Variants in EPM2A observed in about 807,000 individuals in gnomAD.
EPM2A encodes the protein EPM2A glucan phosphatase, laforin.
A neutral mutation model predicts 26.5 loss-of-function variants in EPM2A; 21 were observed. The observed-to-expected ratio is 0.79, with a 90% CI of 0.56 to 1.14. The LOEUF (loss-of-function observed/expected upper bound fraction) is 1.14. Ranked by LOEUF, EPM2A falls within the 50% of genes most tolerant of loss-of-function variation. The pLI, the probability that EPM2A is intolerant of heterozygous loss-of-function variation, is 0.00. For missense variants in EPM2A, 458 were observed against 440.8 expected (o/e 1.04, Z -0.35); for synonymous variants, 217 against 177.6 (o/e 1.22, Z -1.76).
chr6:145,655,419 C>T (rs1778202713), intron 2 of EPM2A, among the ~76,000 whole-genome samples: 1 of 152,064 alleles, frequency 6.6e-6, no homozygotes, highest in Non-Finnish European at 1.5e-5. Flanking sequence ...ACTCTGTACC[C>T]AGGCACTGAA....
rs553248855 is a variant in EPM2A, at chr6:145,704,941, C to T, written c.302-18645G>A. ...TAGAAAAACTTATGCTTTAAGACAG[C>T]GTTGCATCTTTATCTCATGTTACAA... On this transcript the variant is annotated intron_variant, in intron 1 of 3. Coordinates refer to ENST00000367519, the MANE Select transcript of EPM2A (RefSeq NM_005670.4). Among the ~76,000 whole-genome samples the T allele has an allele frequency of 9.7e-4, 148 of 152,246 alleles. 3 individuals are homozygous for T. The highest frequency in any genetic ancestry group is 6.8e-3 in the Middle Eastern group (2 of 294).
intron 2 of EPM2A, among the ~76,000 whole-genome samples, chr6:145,662,160 A>C (rs1231331799): frequency 3.9e-5 from 6 of 152,082 alleles, no homozygotes; most frequent in African/African-American, 1.4e-4. Flanking sequence ...CCTTCTTCCC[A>C]CTTCCTTCTC....
intron 2 of EPM2A, among the ~76,000 whole-genome samples, chr6:145,599,013 G>A (rs1781383498): frequency 6.6e-6 from 1 of 152,152 alleles, no homozygotes; most frequent in Non-Finnish European, 1.5e-5. Flanking sequence ...CTGTAGCCCT[G>A]TAGTACAGTC....
At chr6:145,391,772 G>A (rs1192144114) in intron 4 of EPM2A, among the ~76,000 whole-genome samples, 2 of 152,200 alleles carry the variant, frequency 1.3e-5, no homozygotes, top group African/African-American at 2.4e-5. Context: ...TGACAGCTCA[G>A]TTGTCTTGCC....
At chr6:145,586,424 G>A (rs1006662244) in intron 2 of EPM2A, among the ~76,000 whole-genome samples, 56 of 152,164 alleles carry the variant, frequency 3.7e-4, no homozygotes, top group African/African-American at 1.3e-3. Flanking sequence ...ATAGGGGCTT[G>A]CCATATGGAA....
At chr6:145,407,156 T>G (rs1021091572) in intron 4 of EPM2A, among the ~76,000 whole-genome samples, 1 of 152,122 alleles carries the variant, frequency 6.6e-6, no homozygotes, top group Non-Finnish European at 1.5e-5. Context: ...GAAAAGCCAC[T>G]GTGATTGGTA....
chr6:145,686,093 T>C (rs1780886043), intron 2 of EPM2A, 29 bp downstream of exon 2: 1 of 1,587,432 alleles, frequency 6.3e-7, no homozygotes. Flanking sequence ...GTCCTACTTC[T>C]ATGCCTATAA....
intron 2 of EPM2A, among the ~76,000 whole-genome samples, chr6:145,580,589 G>C (rs1781099985): frequency 6.6e-6 from 1 of 151,996 alleles, no homozygotes; most frequent in South Asian, 2.1e-4. Flanking sequence ...AAATCAAGAG[G>C]GTTTGGTGTA....
intron 2 of EPM2A, among the ~76,000 whole-genome samples, chr6:145,545,890 C>A (rs1780577291): frequency 6.6e-6 from 1 of 152,238 alleles, no homozygotes; most frequent in Middle Eastern, 3.4e-3. Context: ...ACACTTAGAT[C>A]TGAAGGGTGT....
At chr6:145,531,748 C>A (rs1456005763) in intron 2 of EPM2A, among the ~76,000 whole-genome samples, 1 of 152,170 alleles carries the variant, frequency 6.6e-6, no homozygotes, top group Non-Finnish European at 1.5e-5. Context: ...GTGACACAGG[C>A]CCCGGACATT....
chr6:145,735,175 G>C, intron 1 of EPM2A, 23 bp downstream of exon 1: 1 of 1,474,504 alleles, frequency 6.8e-7, no homozygotes, highest in South Asian at 1.3e-5. Flanking sequence ...TCTGCGCCGG[G>C]GGCAGGCGTC....
At chr6:145,545,276 T>C (rs1466765237) in intron 2 of EPM2A, among the ~76,000 whole-genome samples, 1 of 152,196 alleles carries the variant, frequency 6.6e-6, no homozygotes, top group Non-Finnish European at 1.5e-5. Flanking sequence ...TCAGGTCTGC[T>C]GTATGTTTCA....
At chr6:145,654,017 G>T (rs1006732190) in intron 2 of EPM2A, among the ~76,000 whole-genome samples, 6 of 152,080 alleles carry the variant, frequency 3.9e-5, no homozygotes, top group African/African-American at 1.4e-4. Context: ...TGCTGAAATA[G>T]CCAGGCCTTA....
At chr6:145,483,098 G>A (rs562677360) in intron 4 of EPM2A, among the ~76,000 whole-genome samples, 2 of 152,102 alleles carry the variant, frequency 1.3e-5, no homozygotes, top group South Asian at 2.1e-4. Context: ...GCAAATGGGC[G>A]AATGTAAGCT....
At chr6:145,385,207 C>T (rs1185857924) in intron 4 of EPM2A, among the ~76,000 whole-genome samples, 1 of 146,626 alleles carries the variant, frequency 6.8e-6, no homozygotes, top group Non-Finnish European at 1.5e-5. Flanking sequence ...TCTTTGAGAA[C>T]AAATAATGCC....
Position 145,406,014 on chromosome 6 carries a change from A to ACC in EPM2A, c.556-21918_556-21917insGG, listed in dbSNP as rs1554233749. Reference sequence around the variant, plus strand: ...CACACACACACACACACACACACACAACAGACAGACACACACACACACAGT... The same window carrying ACC: ...CACACACACACACACACACACACACACCACAGACAGACACACACACACACAGT... On this transcript the variant is annotated intron_variant, in intron 4 of 4. Transcript: ENST00000638717. 3.8e-4 allele frequency among the ~76,000 whole-genome samples: 48 copies of ACC among 126,248 alleles called. 1 individual carries two copies. Among genetic ancestry groups the ACC allele is most frequent in the South Asian group, 2.0e-3 (8 of 3,920 alleles). The allele number at this position is 126,248 out of a possible 152,430, so 82.8% of individuals were successfully genotyped here.
intron 4 of EPM2A, among the ~76,000 whole-genome samples, chr6:145,394,011 G>C (rs2114660312): frequency 6.6e-6 from 1 of 151,946 alleles, no homozygotes; most frequent in East Asian, 1.9e-4. Flanking sequence ...CTTTAGTAGA[G>C]TCAGGGTTTC....
chr6:145,444,073 C>T (rs975951150), intron 4 of EPM2A, among the ~76,000 whole-genome samples: 7 of 152,190 alleles, frequency 4.6e-5, no homozygotes, highest in Non-Finnish European at 1.0e-4. Flanking sequence ...GTTTGACTCC[C>T]TCTCTTCCTA....
At chr6:145,478,608 T>C (rs1779569884) in intron 4 of EPM2A, among the ~76,000 whole-genome samples, 1 of 151,654 alleles carries the variant, frequency 6.6e-6, no homozygotes, top group South Asian at 2.1e-4. Context: ...GAATTCTAAC[T>C]TCTTAAGATG....
Sources: gnomAD v4.1 joint callset for allele counts (sites outside exome capture counted in the v4.1 genomes callset) on GRCh38, gnomAD v4.1.1 for gene constraint, MANE v1.5 for transcripts, NCBI Gene and HGNC (gene_info 2026-07-23, HGNC 2026-07-21) for gene names.